The following ABCA6 variants were observed in gnomAD, a reference collection of about 807,000 sequenced individuals.
ABCA6 encodes ATP-binding cassette sub-family A member 6.
A neutral mutation model predicts 191.2 loss-of-function variants in ABCA6; 164 were observed. The ratio of observed to expected loss-of-function variants is 0.86; its 90% CI spans 0.76 to 0.98. The LOEUF is 0.98. Among genes scored for constraint, ABCA6 ranks in the 50% least tolerant of loss-of-function variants. ABCA6 has a pLI of 0.00. For synonymous variants in ABCA6, 636 were observed against 647.7 expected (o/e 0.98, Z 0.27); for missense variants, 1,958 against 1,894.1 (o/e 1.03, Z -0.63).
At chr17:69,131,654 TG>T (rs1187727734) in intron 6 of ABCA6, among the ~76,000 whole-genome samples, 2 of 152,220 alleles carry the variant, frequency 1.3e-5, no homozygotes, top group Admixed American at 6.5e-5. Flanking sequence ...GTAAAAAAAT[TG>T]TCATAAAGTT....
chr17:69,113,844 C>A, intron 13 of ABCA6, 107 bp from the exon 14 acceptor site: 1 of 877,092 alleles, frequency 1.1e-6, no homozygotes, highest in Non-Finnish European at 1.7e-6. Flanking sequence ...CAGAGAAATG[C>A]AAATCAAAAC....
In ABCA6 at chr17:69,134,753, A is replaced by G. The variant is rs1193463088; in HGVS notation, c.461-11T>C. 6.3e-7 allele frequency: 1 copy of G among 1,585,322 alleles called. No homozygotes were observed. The highest frequency in any genetic ancestry group is 8.7e-7 in the Non-Finnish European group (1 of 1,154,968). Reference sequence around the variant, plus strand: ...CATCCCAGCAATGAGCTGTAAGCACAAAGAAAAGCACAGCCAACATTATGG... The same window carrying G: ...CATCCCAGCAATGAGCTGTAAGCACGAAGAAAAGCACAGCCAACATTATGG... On this transcript the variant is annotated splice_polypyrimidine_tract_variant and intron_variant, in intron 4 of 38. Coordinates refer to ENST00000284425, the MANE Select transcript of ABCA6 (RefSeq NM_080284.3).
chr17:69,127,845 A>G (rs1158651568), intron 8 of ABCA6, among the ~76,000 whole-genome samples: 1 of 152,152 alleles, frequency 6.6e-6, no homozygotes, highest in Admixed American at 6.6e-5. Flanking sequence ...AGCTTTATTA[A>G]AAATGCTCAA....
intron 2 of ABCA6, among the ~76,000 whole-genome samples, chr17:69,140,396 G>A (rs111639165): frequency 1.1e-4 from 16 of 152,018 alleles, no homozygotes; most frequent in African/African-American, 1.9e-4. Context: ...ATAATTAAAT[G>A]TTCACTTAAT....
In ABCA6 at chr17:69,111,914, G is replaced by T. The variant is rs116412483; in HGVS notation, c.2132+269C>A. ...TGGGTAGGAAGCAGGTAGAGGTTTA[G>T]GCTGCACAGAACAGCTACCTAGAAA... On this transcript the variant is annotated intron_variant, in intron 16 of 38. Coordinates refer to ENST00000284425, the MANE Select transcript of ABCA6 (RefSeq NM_080284.3). The T allele has an allele frequency of 1.1e-3, 340 of 317,224 alleles. 3 individuals carry two copies. Among genetic ancestry groups the T allele is most frequent in the African/African-American group, 7.1e-3 (324 of 45,952 alleles). 19.7% of individuals were successfully genotyped at this position (317,224 alleles called of 1,614,324 possible).
chr17:69,084,668 G>T (rs929414213), intron 32 of ABCA6, among the ~76,000 whole-genome samples, 161 bp from the exon 33 acceptor site: 1 of 96,512 alleles, frequency 1.0e-5, no homozygotes, highest in African/African-American at 4.2e-5. Flanking sequence ...GAACATGAAA[G>T]ACTTTTTTTT....
In ABCA6 at chr17:69,085,670, T is replaced by C. The variant is rs377055785; in HGVS notation, c.3984A>G (p.Ser1328=). Residue 1328 remains serine (S), a synonymous_variant, in exon 31 of 39, where the codon TCA becomes TCG. Coordinates refer to ENST00000284425, the MANE Select transcript of ABCA6 (RefSeq NM_080284.3). ...TGATCCCAGATATCATTCTAATAGA[T>C]GAACTTTTTCCAGCACCATTGGGTC... ...LLGPNGAGKS[S]SIRMISGITK... is the part of the protein sequence containing the mutation. 9.3e-6 allele frequency: 15 copies of C among 1,612,550 alleles called. No homozygotes were observed. The highest frequency in any genetic ancestry group is 6.7e-5 in the Admixed American group (4 of 59,708).
intron 21 of ABCA6, among the ~76,000 whole-genome samples, chr17:69,102,549 C>T (rs2073204924): frequency 6.6e-6 from 1 of 152,004 alleles, no homozygotes; most frequent in African/African-American, 2.4e-5. Flanking sequence ...TTCCTTAAAT[C>T]CATAATTATA....
chr17:69,100,862 TGCTGATAA>T lies in ABCA6; in HGVS notation c.2939_2946del (p.Ile980LysfsTer8). 6.2e-7 allele frequency: 1 copy of T among 1,612,458 alleles called. No homozygotes were observed. Among genetic ancestry groups the T allele is most frequent in the Non-Finnish European group, 8.5e-7 (1 of 1,179,092 alleles). On this transcript the variant is annotated frameshift_variant, in exon 22 of 39. Transcript: ENST00000284425. LOFTEE classifies it high-confidence loss of function. Reference sequence around the variant, plus strand: ...TGATTAAACATTTGAAGTAGCCCATTGCTGATAATATTCATAAGAATTGGAAAACAGTG... The same window carrying T: ...TGATTAAACATTTGAAGTAGCCCATTTATTCATAAGAATTGGAAAACAGTG...
rs1231605663 is a variant in ABCA6, at chr17:69,113,336, T to C, written c.1927A>G (p.Thr643Ala). 1.3e-6 allele frequency: 2 copies of C among 1,591,942 alleles called. No homozygotes were observed. The highest frequency in any genetic ancestry group is 1.2e-5 in the South Asian group (1 of 86,668). Reference protein sequence around the residue: ...PQILLLDEPTTGLDPFSRDQV... With the variant: ...PQILLLDEPTAGLDPFSRDQV... ...TCTCTGGAAAAGGGATCCAATCCAG[T>C]AGTTGGTTCATCTAAAAGCAAAATC... Residue 643 changes from threonine to alanine, a missense_variant, in exon 15 of 39, where the codon ACT becomes GCT. Transcript: ENST00000284425.
chr17:69,115,526 T>G, intron 11 of ABCA6, 40 bp from the exon 12 acceptor site: 1 of 1,525,044 alleles, frequency 6.6e-7, no homozygotes, highest in Non-Finnish European at 9.0e-7. Flanking sequence ...ATTAACAGTA[T>G]AAACAGAAAG....
rs1025431703 is a variant in ABCA6 at position 69,137,369 on chromosome 17, C to G, written c.228G>C (p.Met76Ile). ...RVDKFNSSSLMVVYTPISNLT... is the reference protein window; with the variant it reads ...RVDKFNSSSLIVVYTPISNLT... ...AATTAGATATTGGTGTATACACAACCATTAAAGAAGAGCTATTAAATTTAT... is the reference window on the plus strand; with the variant it reads ...AATTAGATATTGGTGTATACACAACGATTAAAGAAGAGCTATTAAATTTAT... Residue 76 changes from methionine to isoleucine, a missense_variant, in exon 3 of 39, where the codon ATG (methionine) becomes ATC (isoleucine). Met to Ile is a conservative substitution (Grantham distance 10, BLOSUM62 1). Coordinates refer to ENST00000284425, the MANE Select transcript of ABCA6 (RefSeq NM_080284.3). The G allele has an allele frequency of 1.2e-6, 2 of 1,613,516 alleles. No individual in the cohort carries two copies. Among genetic ancestry groups the G allele is most frequent in the African/African-American group, 1.3e-5 (1 of 74,876 alleles).
Position 69,136,264 on chromosome 17 carries a change from G to T in ABCA6, c.302-14C>A. ...TGACACTTGTTCCTGTGAATTACAA[G>T]GTAAAAATAGACATAGAAAATTGTA... is the stretch of plus-strand genomic sequence containing the variant. On this transcript the variant is annotated splice_polypyrimidine_tract_variant and intron_variant, in intron 3 of 38. Transcript: ENST00000284425. 1 of 1,473,370 alleles carries T rather than the reference G, an allele frequency of 6.8e-7. No individual in the cohort carries two copies. Among genetic ancestry groups the T allele is most frequent in the East Asian group, 2.4e-5 (1 of 41,174 alleles). 91.3% of individuals were successfully genotyped at this position (1,473,370 alleles called of 1,614,324 possible). A position where few individuals can be genotyped will look rare whatever the true frequency, so the allele number is the denominator to read the frequency against.
Position 69,096,373 on chromosome 17 carries a change from TA to T in ABCA6, c.3295-21del, listed in dbSNP as rs766465480. 4 of 1,288,342 alleles carry T rather than the reference TA, an allele frequency of 3.1e-6. No individual in the cohort carries two copies. The South Asian group carries it at 7.1e-5, about 23-fold the overall frequency. 79.8% of individuals were successfully genotyped at this position (1,288,342 alleles called of 1,614,324 possible). On this transcript the variant is annotated intron_variant, in intron 24 of 38. Coordinates refer to ENST00000284425, the MANE Select transcript of ABCA6 (RefSeq NM_080284.3). ...TATAACCTGAGCATAAAAGAAATAA[TA>T]ACATAGTCAAAAAATCAAATATTAC...
intron 6 of ABCA6, among the ~76,000 whole-genome samples, chr17:69,130,706 C>T (rs1217574629): frequency 6.6e-6 from 1 of 152,050 alleles, no homozygotes; most frequent in Non-Finnish European, 1.5e-5. Context: ...ATTGCCATAC[C>T]GTCCTAATTG....
chr17:69,138,533 T>C (rs569297748), intron 2 of ABCA6, among the ~76,000 whole-genome samples: 50 of 152,038 alleles, frequency 3.3e-4, no homozygotes, highest in African/African-American at 1.2e-3. Flanking sequence ...AGGTAATTTA[T>C]AGATTCAATG....
intron 16 of ABCA6, 151 bp downstream of exon 16, chr17:69,112,032 G>A (rs2073432911): frequency 3.3e-6 from 2 of 612,332 alleles, no homozygotes; most frequent in Admixed American, 2.7e-5. Context: ...GACACAGGAG[G>A]AAGGAAAGTA....
chr17:69,106,853 G>A (rs1266079464), intron 18 of ABCA6, among the ~76,000 whole-genome samples: 1 of 152,120 alleles, frequency 6.6e-6, no homozygotes, highest in Non-Finnish European at 1.5e-5. Context: ...TATACTCAGT[G>A]AGAAAATACA....
At position 69,112,321 on chromosome 17, in the gene ABCA6, C is replaced by T. The variant is rs776990642; in HGVS notation, c.2042-48G>A. The T allele has an allele frequency of 6.9e-6, 10 of 1,456,396 alleles. No homozygotes were observed. The South Asian group carries it at 1.0e-4, about 15-fold the overall frequency. The allele number at this position is 1,456,396 out of a possible 1,614,324, so 90.2% of individuals were successfully genotyped here. A position where few individuals can be genotyped will look rare whatever the true frequency, so the allele number is the denominator to read the frequency against. On this transcript the variant is annotated intron_variant, in intron 15 of 38. Coordinates refer to ENST00000284425, the MANE Select transcript of ABCA6 (RefSeq NM_080284.3). ...GAAAAGATATTGGGGGTCATTTCTTCTTTCTCTAGTAAAGAAAGACGAGGA... is the reference window on the plus strand; with the variant it reads ...GAAAAGATATTGGGGGTCATTTCTTTTTTCTCTAGTAAAGAAAGACGAGGA...
Sources: allele counts gnomAD v4.1 joint callset (sites outside exome capture counted in the v4.1 genomes callset), GRCh38; gene constraint gnomAD v4.1.1; transcripts MANE v1.5; gene names NCBI Gene and HGNC (gene_info 2026-07-23, HGNC 2026-07-21).